Variants in FAM83F observed in about 807,000 individuals in gnomAD.
FAM83F encodes the protein scaffolding CK1 anchoring protein F.
Under a neutral mutation model 42.9 loss-of-function variants are expected in FAM83F, and 45 were observed. The ratio of observed to expected loss-of-function variants is 1.05; its 90% CI spans 0.83 to 1.35. The LOEUF (loss-of-function observed/expected upper bound fraction) is 1.35. Among genes scored for constraint, FAM83F ranks in the 40% most tolerant of loss-of-function variants. The pLI is 0.00. For synonymous variants in FAM83F, 306 were observed against 298.3 expected, an observed-to-expected ratio of 1.03 and a Z score of -0.27; for missense variants, 617 against 695.9, an observed-to-expected ratio of 0.89 and a Z score of 1.28.
intron 3 of FAM83F, 54 bp downstream of exon 3, chr22:40,020,062 G>A (rs2145719629): frequency 6.4e-7 from 1 of 1,565,492 alleles, no homozygotes; most frequent in South Asian, 1.2e-5. Context: ...CCAGGTAGGT[G>A]TTCAGGAAGA....
In FAM83F at chr22:40,042,286, A is replaced by T. The variant is rs1405602535; in HGVS notation, c.*12721A>T. 6.6e-6 allele frequency: 1 copy of T among 152,222 alleles called. No individual in the cohort carries two copies. Among genetic ancestry groups the T allele is most frequent in the African/African-American group, 2.4e-5 (1 of 41,458 alleles). 9.4% of individuals were successfully genotyped at this position (152,222 alleles called of 1,614,324 possible). On this transcript the variant is annotated 3_prime_UTR_variant, in exon 5 of 5. Transcript: ENST00000333407. ...TGTCTCTGGGAGGGAAGGCACAATG[A>T]GGTGGAGTGGACAAATTGCTGAGGC... is the stretch of plus-strand genomic sequence containing the variant.
At chr22:40,025,410 C>T (rs1241363460) in intron 4 of FAM83F, among the ~76,000 whole-genome samples, 1 of 152,022 alleles carries the variant, frequency 6.6e-6, no homozygotes, top group Non-Finnish European at 1.5e-5. Context: ...CAGAGAGACC[C>T]TGTCTCAAAA....
At position 40,043,207 on chromosome 22, in the gene FAM83F, A is replaced by C. The variant is rs1307096474; in HGVS notation, c.*13642A>C. On this transcript the variant is annotated 3_prime_UTR_variant, in exon 5 of 5. Coordinates refer to ENST00000333407, the MANE Select transcript of FAM83F (RefSeq NM_138435.4). Reference sequence around the variant, plus strand: ...ACAGCTTGGATCAGGAAGTGAAACAAGGGCGGTGATCCCACTGAAGCTACA... The same window carrying C: ...ACAGCTTGGATCAGGAAGTGAAACACGGGCGGTGATCCCACTGAAGCTACA... 1.3e-5 allele frequency: 2 copies of C among 152,212 alleles called. No individual in the cohort carries two copies. The highest frequency in any genetic ancestry group is 3.8e-4 in the East Asian group (2 of 5,206). 9.4% of individuals were successfully genotyped at this position (152,212 alleles called of 1,614,324 possible).
intron 1 of FAM83F, among the ~76,000 whole-genome samples, chr22:40,005,424 A>C (rs1727564164): frequency 6.6e-6 from 1 of 152,238 alleles, no homozygotes; most frequent in Non-Finnish European, 1.5e-5. Context: ...GTGCCGGGAA[A>C]GTCATCCCAG....
intron 1 of FAM83F, among the ~76,000 whole-genome samples, chr22:40,002,132 G>A (rs1169789468): frequency 6.6e-6 from 1 of 152,230 alleles, no homozygotes; most frequent in Non-Finnish European, 1.5e-5. Context: ...GCAGGAAGGT[G>A]CAGAGGCTTC....
chr22:40,015,609 A>G (rs982796799), intron 1 of FAM83F, among the ~76,000 whole-genome samples: 1 of 152,018 alleles, frequency 6.6e-6, no homozygotes, highest in African/African-American at 2.4e-5. Context: ...TGTGCAGGAC[A>G]CACTCGTGCA....
chr22:40,029,812 A>G lies in FAM83F; in HGVS notation c.*247A>G, dbSNP rs1408787417. 22 of 502,142 alleles carry G rather than the reference A, an allele frequency of 4.4e-5. No homozygotes were observed. Among genetic ancestry groups the G allele is most frequent in the Non-Finnish European group, 7.5e-5 (21 of 281,596 alleles). The allele number at this position is 502,142 out of a possible 1,614,324, so 31.1% of individuals were successfully genotyped here. A position where few individuals can be genotyped will look rare whatever the true frequency, so the allele number is the denominator to read the frequency against. ...TCAGTGCCACGGCCTCCTTGTTTAC[A>G]TGAAGTGGAAGCTTGACCAGTGTCT... is the stretch of plus-strand genomic sequence containing the variant. On this transcript the variant is annotated 3_prime_UTR_variant, in exon 5 of 5. Transcript: ENST00000333407.
In FAM83F at chr22:40,038,468, A is replaced by G. The variant is rs1159548576; in HGVS notation, c.*8903A>G. ...CTGTCTGGTGGGTGAGACAGTCTAC[A>G]GCAAGCTGCTCCAAGGATATGGAGA... is the stretch of plus-strand genomic sequence containing the variant. On this transcript the variant is annotated 3_prime_UTR_variant, in exon 5 of 5. Coordinates refer to ENST00000333407, the MANE Select transcript of FAM83F (RefSeq NM_138435.4). 1 of 152,264 alleles carries G rather than the reference A, an allele frequency of 6.6e-6. No homozygotes were observed. The highest frequency in any genetic ancestry group is 1.5e-5 in the Non-Finnish European group (1 of 68,068). 9.4% of individuals were successfully genotyped at this position (152,264 alleles called of 1,614,324 possible).
rs2067652134 is a variant in FAM83F at position 40,041,882 on chromosome 22, T to G, written c.*12317T>G. 1 of 152,096 alleles carries G rather than the reference T, an allele frequency of 6.6e-6. No individual in the cohort carries two copies. The highest frequency in any genetic ancestry group is 2.1e-4 in the South Asian group (1 of 4,836). The allele number at this position is 152,096 out of a possible 1,614,324, so 9.4% of individuals were successfully genotyped here. A position where few individuals can be genotyped will look rare whatever the true frequency, so the allele number is the denominator to read the frequency against. On this transcript the variant is annotated 3_prime_UTR_variant, in exon 5 of 5. Transcript: ENST00000333407. The stretch of plus-strand genomic sequence containing the variant: ...TACTCAATGTTACTTTTTTTTTTTT[T>G]GAGACAGGGTCTTGCTCTATTGCCC...
In FAM83F at chr22:40,032,100, T is replaced by C. The variant is rs765624204; in HGVS notation, c.*2535T>C. ...AGCAGCTTCTGCAAGGCTGGTTACA[T>C]TGGAAGGGCTCTAGGAGGAACAGGA... On this transcript the variant is annotated 3_prime_UTR_variant, in exon 5 of 5. Transcript: ENST00000333407. The C allele has an allele frequency of 6.6e-6, 1 of 152,228 alleles. No homozygotes were observed. Among genetic ancestry groups the C allele is most frequent in the Non-Finnish European group, 1.5e-5 (1 of 68,082 alleles). 9.4% of individuals were successfully genotyped at this position (152,228 alleles called of 1,614,324 possible).
Position 40,036,474 on chromosome 22 carries a change from C to A in FAM83F, c.*6909C>A, listed in dbSNP as rs188928741. The A allele has an allele frequency of 2.6e-5, 4 of 152,340 alleles. No homozygotes were observed. Among genetic ancestry groups the A allele is most frequent in the Admixed American group, 2.6e-4 (4 of 15,302 alleles). 9.4% of individuals were successfully genotyped at this position (152,340 alleles called of 1,614,324 possible). A position where few individuals can be genotyped will look rare whatever the true frequency, so the allele number is the denominator to read the frequency against. On this transcript the variant is annotated 3_prime_UTR_variant, in exon 5 of 5. Coordinates refer to ENST00000333407, the MANE Select transcript of FAM83F (RefSeq NM_138435.4). ...CTTATCTGGTTGTGCAAAAGTCCCACAACCTTTCTGGATTGATAGTTTGTG... is the reference window on the plus strand; with the variant it reads ...CTTATCTGGTTGTGCAAAAGTCCCAAAACCTTTCTGGATTGATAGTTTGTG...
intron 1 of FAM83F, among the ~76,000 whole-genome samples, chr22:40,007,664 TC>T (rs2067443435): frequency 8.3e-6 from 1 of 120,440 alleles, no homozygotes; most frequent in Non-Finnish European, 1.8e-5. Context: ...TCGTTTCCTC[TC>T]CTCTCCTCCT....
Position 40,038,580 on chromosome 22 carries a change from G to A in FAM83F, c.*9015G>A, listed in dbSNP as rs901399007. The A allele has an allele frequency of 3.6e-4, 55 of 152,278 alleles. No homozygotes were observed. The highest frequency in any genetic ancestry group is 2.9e-3 in the Admixed American group (45 of 15,288). 9.4% of individuals were successfully genotyped at this position (152,278 alleles called of 1,614,324 possible). A position where few individuals can be genotyped will look rare whatever the true frequency, so the allele number is the denominator to read the frequency against. ...CAGCGAGTGCTCCTAAGGCAGGGAGGGGGCTGCCTTCACTATGGGTGCTCA... is the reference window on the plus strand; with the variant it reads ...CAGCGAGTGCTCCTAAGGCAGGGAGAGGGCTGCCTTCACTATGGGTGCTCA... On this transcript the variant is annotated 3_prime_UTR_variant, in exon 5 of 5. Coordinates refer to ENST00000333407, the MANE Select transcript of FAM83F (RefSeq NM_138435.4).
chr22:40,026,317 G>A (rs772379600), intron 4 of FAM83F, among the ~76,000 whole-genome samples: 4 of 152,254 alleles, frequency 2.6e-5, no homozygotes, highest in East Asian at 1.9e-4. Flanking sequence ...TCAGGAGATC[G>A]AGATCATCCT....
intron 1 of FAM83F, among the ~76,000 whole-genome samples, chr22:39,996,185 A>T (rs2067372945): frequency 6.6e-6 from 1 of 152,176 alleles, no homozygotes; most frequent in African/African-American, 2.4e-5. Flanking sequence ...TCGGCAGCTC[A>T]GGAAAGGGCT....
chr22:39,995,284 C>T lies in FAM83F; in HGVS notation c.242C>T (p.Ala81Val). 1 of 1,536,380 alleles carries T rather than the reference C, an allele frequency of 6.5e-7. No homozygotes were observed. Among genetic ancestry groups the T allele is most frequent in the Non-Finnish European group, 8.7e-7 (1 of 1,145,806 alleles). ...WSPYEDAVPA[A>V]NARGKSKAKA... is the part of the protein sequence containing the mutation. ...CCCTACGAGGACGCCGTCCCCGCCG[C>T]CAACGCCCGGGGCAAGAGCAAGGCC... The change falls in exon 1 of 5, where the codon GCC becomes GTC. Residue 81 changes from alanine (A) to valine (V), a missense_variant. Coordinates refer to ENST00000333407, the MANE Select transcript of FAM83F (RefSeq NM_138435.4). The surrounding 1 kb of genome is among the most constrained non-coding windows in gnomAD (Gnocchi z 4.6).
At chr22:40,016,907 GC>G (rs1359753702) in intron 1 of FAM83F, among the ~76,000 whole-genome samples, 1 of 150,556 alleles carries the variant, frequency 6.6e-6, no homozygotes, top group Non-Finnish European at 1.5e-5. Flanking sequence ...CAAGTGATCC[GC>G]CCACCTCAGC....
Position 40,038,315 on chromosome 22 carries a change from C to A in FAM83F, c.*8750C>A, listed in dbSNP as rs1467605832. On this transcript the variant is annotated 3_prime_UTR_variant, in exon 5 of 5. Coordinates refer to ENST00000333407, the MANE Select transcript of FAM83F (RefSeq NM_138435.4). ...GTGAATGGAGGAGGGGACAATGAGG[C>A]AAGGCATTCCAGGGAAAGGTCCAGA... 6.6e-6 allele frequency: 1 copy of A among 152,172 alleles called. No individual in the cohort carries two copies. The allele number at this position is 152,172 out of a possible 1,614,324, so 9.4% of individuals were successfully genotyped here.
At chr22:40,008,707 C>T (rs1028280209) in intron 1 of FAM83F, among the ~76,000 whole-genome samples, 3 of 152,158 alleles carry the variant, frequency 2.0e-5, no homozygotes, top group South Asian at 2.1e-4. Context: ...AGGATGGGGC[C>T]CTAGAATCTG....
Sources: gnomAD v4.1 joint callset for allele counts (sites outside exome capture counted in the v4.1 genomes callset) on GRCh38, gnomAD v4.1.1 for gene constraint, Gnocchi (gnomAD v3.1) non-coding constraint, MANE v1.5 for transcripts, NCBI Gene and HGNC (gene_info 2026-07-23, HGNC 2026-07-21) for gene names.